Variants in MACROD1 observed in about 807,000 individuals in gnomAD.
MACROD1 encodes ADP-ribose glycohydrolase MACROD1.
A neutral mutation model predicts 41.4 loss-of-function variants in MACROD1; 31 were observed. The ratio of observed to expected loss-of-function variants is 0.75; its 90% CI spans 0.56 to 1.01. MACROD1 has a LOEUF of 1.01. Among genes scored for constraint, MACROD1 ranks in the 50% least tolerant of loss-of-function variants. The pLI is 0.00. For missense variants in MACROD1, 473 were observed against 460.0 expected (o/e 1.03, Z -0.26); for synonymous variants, 252 against 203.4 (o/e 1.24, Z -2.03).
chr11:63,999,775 G>T lies in MACROD1; in HGVS notation c.665-12C>A, dbSNP rs752972311. The stretch of plus-strand genomic sequence containing the variant: ...TGTGTGGATGACGTCTACGGGGGGC[G>T]ACGGGGTCAGACCGGCGGGGGTCTA... On this transcript the variant is annotated splice_polypyrimidine_tract_variant and intron_variant, in intron 5 of 10. Coordinates refer to ENST00000255681, the MANE Select transcript of MACROD1 (RefSeq NM_014067.4). The T allele has an allele frequency of 7.5e-6, 12 of 1,601,618 alleles. No homozygotes were observed. Among genetic ancestry groups the T allele is most frequent in the African/African-American group, 1.3e-5 (1 of 74,790 alleles).
At chr11:64,015,846 A>G (rs2134342238) in intron 3 of MACROD1, among the ~76,000 whole-genome samples, 1 of 152,258 alleles carries the variant, frequency 6.6e-6, no homozygotes, top group African/African-American at 2.4e-5. Context: ...GGGGCGTCCA[A>G]CTGCGAGAGG....
At chr11:64,038,717 G>A (rs114212909) in intron 3 of MACROD1, among the ~76,000 whole-genome samples, 126 of 152,278 alleles carry the variant, frequency 8.3e-4, no homozygotes, top group African/African-American at 3.0e-3. Flanking sequence ...GGGTCTGGCT[G>A]TGCTGGCCCT....
chr11:64,060,567 C>A (rs142530023), intron 3 of MACROD1: 6 of 152,232 alleles, frequency 3.9e-5, no homozygotes, highest in African/African-American at 1.4e-4. Flanking sequence ...CCTGGAGATA[C>A]GCTGGGCAGT....
At position 64,154,743 on chromosome 11, in the gene MACROD1, C is replaced by T. The variant is rs151023957; in HGVS notation, c.299-2350G>A. ...CTTATTCTTTTATTTTTTTTTGAGA[C>T]GGAGTCTCACTCTGTCGCCCAGGCT... On this transcript the variant is annotated intron_variant, in intron 1 of 10. Transcript: ENST00000255681. 1.8e-4 allele frequency among the ~76,000 whole-genome samples: 28 copies of T among 152,034 alleles called. No individual in the cohort carries two copies. The East Asian group carries it at 4.4e-3, about 24-fold the overall frequency.
chr11:64,140,245 G>A (rs1472980863), intron 3 of MACROD1, among the ~76,000 whole-genome samples: 1 of 152,232 alleles, frequency 6.6e-6, no homozygotes, highest in South Asian at 2.1e-4. Context: ...TGCACAGGCC[G>A]TTTCCATGTG....
At chr11:64,101,300 A>G (rs1458148014) in intron 3 of MACROD1, among the ~76,000 whole-genome samples, 1 of 152,162 alleles carries the variant, frequency 6.6e-6, no homozygotes, top group Non-Finnish European at 1.5e-5. Context: ...CACTGCCTCT[A>G]TCCTGAGAGC....
intron 3 of MACROD1, among the ~76,000 whole-genome samples, chr11:64,121,637 C>T (rs1466308517): frequency 6.6e-6 from 1 of 152,200 alleles, no homozygotes; most frequent in Non-Finnish European, 1.5e-5. Flanking sequence ...TCAGGACACC[C>T]AGCCTCCCCT....
At chr11:64,121,535 G>A (rs1352615116) in intron 3 of MACROD1, among the ~76,000 whole-genome samples, 2 of 152,194 alleles carry the variant, frequency 1.3e-5, no homozygotes, top group Non-Finnish European at 2.9e-5. Flanking sequence ...CCTCAGCCAG[G>A]GAGGGGCCAG....
intron 3 of MACROD1, among the ~76,000 whole-genome samples, chr11:64,018,080 G>A (rs1303908458): frequency 1.3e-5 from 2 of 152,178 alleles, no homozygotes; most frequent in East Asian, 3.9e-4. Context: ...GGGGCAGAGG[G>A]AAGACTTTGC....
intron 3 of MACROD1, among the ~76,000 whole-genome samples, chr11:64,041,220 A>G (rs974227381): frequency 6.7e-6 from 1 of 149,098 alleles, no homozygotes; most frequent in Non-Finnish European, 1.5e-5. Flanking sequence ...AAAAAAAAAA[A>G]AAAAAAAAAG....
chr11:64,159,658 G>C (rs2325786), intron 1 of MACROD1, among the ~76,000 whole-genome samples: 53,824 of 151,848 alleles, frequency 0.35, 12,368 homozygotes, highest in Non-Finnish European at 0.51. Flanking sequence ...GCCGGGCATG[G>C]GGGCGCATGC....
chr11:64,000,690 G>C (rs981018829), intron 4 of MACROD1, among the ~76,000 whole-genome samples: 1 of 105,084 alleles, frequency 9.5e-6, no homozygotes, highest in African/African-American at 4.0e-5. Context: ...CGCCGCCCGA[G>C]CCGGGGTGAC....
At position 64,096,916 on chromosome 11, in the gene MACROD1, G is replaced by A. The variant is rs926103181; in HGVS notation, c.517+54323C>T. Reference sequence around the variant, plus strand: ...GCCTGTCCCTCCGTGAGCTGGGTGCGAGTGGCCCTTGCTGGTCCCCCGCTC... The same window carrying A: ...GCCTGTCCCTCCGTGAGCTGGGTGCAAGTGGCCCTTGCTGGTCCCCCGCTC... On this transcript the variant is annotated intron_variant, in intron 3 of 10. Transcript: ENST00000255681. The surrounding 1 kb of genome is among the most constrained non-coding windows in gnomAD (Gnocchi z 4.6). Among the ~76,000 whole-genome samples, 34 of 152,340 alleles carry A rather than the reference G, an allele frequency of 2.2e-4. No homozygotes were observed. The highest frequency in any genetic ancestry group is 7.7e-4 in the African/African-American group (32 of 41,580).
intron 3 of MACROD1, among the ~76,000 whole-genome samples, chr11:64,147,930 A>C (rs1466298434): frequency 7.3e-5 from 11 of 150,862 alleles, no homozygotes; most frequent in Admixed American, 7.3e-4. Context: ...GTAGAGATAG[A>C]GTCTCACTAT....
intron 3 of MACROD1, among the ~76,000 whole-genome samples, chr11:64,034,563 C>T (rs1943338991): frequency 6.6e-6 from 1 of 152,178 alleles, no homozygotes; most frequent in African/African-American, 2.4e-5. Flanking sequence ...AGGCGGCGGC[C>T]TCAGGCTAGG....
In MACROD1 at chr11:64,116,656, G is replaced by A. The variant is rs201296024; in HGVS notation, c.517+34583C>T. The A allele has an allele frequency of 1.8e-5, 29 of 1,613,794 alleles. No individual in the cohort carries two copies. Among genetic ancestry groups the A allele is most frequent in the Middle Eastern group, 1.7e-4 (1 of 6,030 alleles). ...CCCATCAACCTGCCCCGCTCCCTCC[G>A]GGAGCTGCACCTGCAGGACAACAAT... On this transcript the variant is annotated intron_variant, in intron 3 of 10. Coordinates refer to ENST00000255681, the MANE Select transcript of MACROD1 (RefSeq NM_014067.4).
chr11:64,023,842 G>A (rs1230523520), intron 3 of MACROD1, among the ~76,000 whole-genome samples: 5 of 152,020 alleles, frequency 3.3e-5, no homozygotes, highest in Admixed American at 2.0e-4. Context: ...CCACCCCCAC[G>A]CCTCTCCCCA....
In MACROD1 at chr11:64,032,430, C is replaced by A. The variant is rs147947098; in HGVS notation, c.518-17149G>T. ...GAGTTGCAGGATGGCGAGCAGGACCCAGATTTAGGGGCTCCAGAGAGGGTA... is the reference window on the plus strand; with the variant it reads ...GAGTTGCAGGATGGCGAGCAGGACCAAGATTTAGGGGCTCCAGAGAGGGTA... On this transcript the variant is annotated intron_variant, in intron 3 of 10. Transcript: ENST00000255681. 2.3e-3 allele frequency among the ~76,000 whole-genome samples: 352 copies of A among 152,172 alleles called. 1 individual carries two copies. Among genetic ancestry groups the A allele is most frequent in the African/African-American group, 7.8e-3 (325 of 41,508 alleles).
chr11:64,116,723 G>A lies in MACROD1; in HGVS notation c.517+34516C>T, dbSNP rs776173315. 5 of 1,613,708 alleles carry A rather than the reference G, an allele frequency of 3.1e-6. No individual in the cohort carries two copies. In the East Asian group the frequency reaches 1.1e-4, roughly 36 times the overall value. ...GGGACTCGCTGGCCCGCATCCCGCT[G>A]CTGGAGAAGCTGCACCTGGATGACA... On this transcript the variant is annotated intron_variant, in intron 3 of 10. Transcript: ENST00000255681.
Sources: gnomAD v4.1 joint callset for allele counts (sites outside exome capture counted in the v4.1 genomes callset) on GRCh38, gnomAD v4.1.1 for gene constraint, Gnocchi (gnomAD v3.1) non-coding constraint, MANE v1.5 for transcripts, NCBI Gene and HGNC (gene_info 2026-07-23, HGNC 2026-07-21) for gene names.